RBFOX1: variants seen among roughly 807,000 people sequenced by gnomAD.
The protein encoded by RBFOX1 is RNA binding fox-1 homolog 1, also known as RNA binding protein fox-1 homolog 1.
In RBFOX1, 8 loss-of-function variants were observed where a neutral mutation model predicts 57.7. The observed-to-expected ratio is 0.14, with a 90% confidence interval of 0.08 to 0.25. RBFOX1 has a LOEUF of 0.25. Ranked by LOEUF, RBFOX1 falls within the 10% of genes least tolerant of loss-of-function variation. RBFOX1 has a pLI of 1.00. For missense variants in RBFOX1, 611 were observed against 548.5 expected (o/e 1.11, Z -1.14); for synonymous variants, 326 against 222.4 (o/e 1.47, Z -4.15).
At chr16:6,071,590 G>C (rs971031898) in intron 1 of RBFOX1, among the ~76,000 whole-genome samples, 3 of 152,124 alleles carry the variant, frequency 2.0e-5, no homozygotes, top group Non-Finnish European at 2.9e-5. Flanking sequence ...AATTAGTCTA[G>C]AGTGAAAAAT....
At chr16:7,301,660 A>C (rs947878219) in intron 4 of RBFOX1, among the ~76,000 whole-genome samples, 4 of 152,184 alleles carry the variant, frequency 2.6e-5, no homozygotes, top group African/African-American at 4.8e-5. Flanking sequence ...TGTATTATGT[A>C]TCATGTTTCT....
intron 2 of RBFOX1, among the ~76,000 whole-genome samples, chr16:5,490,182 G>A (rs776054634): frequency 1.3e-5 from 2 of 152,198 alleles, no homozygotes; most frequent in East Asian, 3.9e-4. Context: ...GGTGGAAGAG[G>A]TTAGGGACCA....
chr16:7,522,549 G>T (rs1299171725), intron 5 of RBFOX1, among the ~76,000 whole-genome samples: 1 of 152,170 alleles, frequency 6.6e-6, no homozygotes, highest in Non-Finnish European at 1.5e-5. Flanking sequence ...TGTTGGAGTG[G>T]GTGGGCATTG....
chr16:5,333,643 C>G (rs568577230), intron 1 of RBFOX1, among the ~76,000 whole-genome samples: 4 of 152,256 alleles, frequency 2.6e-5, no homozygotes, highest in South Asian at 2.1e-4. Flanking sequence ...GGGACGTGTT[C>G]TGAGAATTGT....
At chr16:6,003,980 G>C (rs186217059) in intron 4 of RBFOX1, among the ~76,000 whole-genome samples, 2 of 152,250 alleles carry the variant, frequency 1.3e-5, no homozygotes, top group African/African-American at 2.4e-5. Context: ...CCAAACTTTG[G>C]GTTTATTGAG....
At chr16:5,471,010 C>T (rs924924536) in intron 2 of RBFOX1, among the ~76,000 whole-genome samples, 1 of 152,096 alleles carries the variant, frequency 6.6e-6, no homozygotes, top group African/African-American at 2.4e-5. Context: ...TGCCACCACG[C>T]CTGGCTAATT....
chr16:5,316,806 G>A (rs1002312270), intron 1 of RBFOX1, among the ~76,000 whole-genome samples: 3 of 152,168 alleles, frequency 2.0e-5, no homozygotes, highest in East Asian at 1.9e-4. Flanking sequence ...TTGGGCCGCC[G>A]CAGGTGCATC....
intron 1 of RBFOX1, among the ~76,000 whole-genome samples, chr16:6,021,303 T>C (rs901621576): frequency 4.6e-5 from 7 of 152,252 alleles, no homozygotes; most frequent in African/African-American, 1.2e-4. Flanking sequence ...CCCTGCCCCC[T>C]GTCCTAGTTC....
chr16:5,630,552 C>T (rs1316463905), intron 3 of RBFOX1, among the ~76,000 whole-genome samples: 1 of 152,216 alleles, frequency 6.6e-6, no homozygotes, highest in African/African-American at 2.4e-5. Flanking sequence ...TCTCTGCCTG[C>T]AGGCCACGTC....
chr16:5,850,199 G>A (rs1236327100), intron 3 of RBFOX1, among the ~76,000 whole-genome samples: 1 of 152,200 alleles, frequency 6.6e-6, no homozygotes. Flanking sequence ...AGAGGGATAA[G>A]CGGAGGGGAT....
chr16:7,249,773 A>G (rs1158056972), intron 4 of RBFOX1, among the ~76,000 whole-genome samples: 4 of 152,286 alleles, frequency 2.6e-5, no homozygotes, highest in African/African-American at 7.2e-5. Flanking sequence ...GATGAGCAAC[A>G]TTGTGTCTAT....
chr16:6,119,209 T>G (rs1373721681), intron 1 of RBFOX1, among the ~76,000 whole-genome samples: 1 of 152,002 alleles, frequency 6.6e-6, no homozygotes, highest in African/African-American at 2.4e-5. Context: ...TATGAGCTGT[T>G]TATAATAATT....
At position 7,607,360 on chromosome 16, in the gene RBFOX1, G is replaced by A. The variant is rs775369272; in HGVS notation, c.676+22G>A. ...GCAGGTACAGAGTTTCTCTTTGCACGAAGTCTTCTCAGTCTTTTCTAAATG... is the reference window on the plus strand; with the variant it reads ...GCAGGTACAGAGTTTCTCTTTGCACAAAGTCTTCTCAGTCTTTTCTAAATG... On this transcript the variant is annotated intron_variant, in intron 10 of 15. Coordinates refer to ENST00000550418, the MANE Select transcript of RBFOX1 (RefSeq NM_018723.4). The A allele has an allele frequency of 4.1e-5, 65 of 1,604,684 alleles. 1 individual carries two copies. The highest frequency in any genetic ancestry group is 2.4e-4 in the Admixed American group (14 of 58,090).
chr16:7,111,388 A>G (rs1285747983), intron 4 of RBFOX1, among the ~76,000 whole-genome samples: 1 of 152,214 alleles, frequency 6.6e-6, no homozygotes, highest in Non-Finnish European at 1.5e-5. Flanking sequence ...CATAGTAAAT[A>G]AATCATTTTT....
chr16:6,152,173 T>C (rs560776552), intron 1 of RBFOX1, among the ~76,000 whole-genome samples: 1 of 152,322 alleles, frequency 6.6e-6, no homozygotes, highest in South Asian at 2.1e-4. Context: ...ATGTAAAATA[T>C]ATGCTGGCAT....
chr16:6,878,702 A>G (rs889858152), intron 3 of RBFOX1, among the ~76,000 whole-genome samples: 3 of 152,128 alleles, frequency 2.0e-5, no homozygotes, highest in Admixed American at 6.5e-5. Context: ...AGAAAGTAAC[A>G]GAAATTCAGC....
intron 3 of RBFOX1, among the ~76,000 whole-genome samples, chr16:6,779,244 G>T (rs28601848): frequency 6.6e-6 from 1 of 151,746 alleles, no homozygotes; most frequent in Admixed American, 6.6e-5. Flanking sequence ...TTTAGCTCCC[G>T]CATTTGTATG....
chr16:5,534,524 C>G (rs571699940), intron 2 of RBFOX1, among the ~76,000 whole-genome samples: 1 of 152,150 alleles, frequency 6.6e-6, no homozygotes, highest in Non-Finnish European at 1.5e-5. Context: ...CATTGAAGAA[C>G]CTGGAGTATC....
At chr16:5,929,779 C>G (rs1301524408) in intron 4 of RBFOX1, among the ~76,000 whole-genome samples, 1 of 152,006 alleles carries the variant, frequency 6.6e-6, no homozygotes, top group African/African-American at 2.4e-5. Flanking sequence ...CTGTGTGCCA[C>G]ACGCTGGGAT....
Sources: allele counts gnomAD v4.1 joint callset (sites outside exome capture counted in the v4.1 genomes callset), GRCh38; gene constraint gnomAD v4.1.1; transcripts MANE v1.5; gene names NCBI Gene and HGNC (gene_info 2026-07-23, HGNC 2026-07-21).